The following GALNTL6 variants were observed in gnomAD, a reference collection of about 807,000 sequenced individuals.
GALNTL6 encodes polypeptide N-acetylgalactosaminyltransferase-like 6.
Under a neutral mutation model 73.7 loss-of-function variants are expected in GALNTL6, and 46 were observed. That is an observed-to-expected ratio of 0.62 (90% CI 0.49 to 0.80). The LOEUF (loss-of-function observed/expected upper bound fraction) is 0.80, where lower values mean the gene tolerates loss of function less well. Ranked by LOEUF, GALNTL6 falls within the 30% of genes least tolerant of loss-of-function variation. The pLI is 0.00. For synonymous variants in GALNTL6, 259 were observed against 263.7 expected (o/e 0.98, Z 0.17); for missense variants, 604 against 755.0 (o/e 0.80, Z 2.34).
rs1161748318 is a variant in GALNTL6, at chr4:172,349,841, ATATAT to A, written c.553+1154_553+1158del. ...TCAAATTAAAAAAAAATATATATAT[ATATAT>A]TTTTTTTAAACTATCAACCTGGTCA... On this transcript the variant is annotated intron_variant, in intron 5 of 12. Coordinates refer to ENST00000506823, the MANE Select transcript of GALNTL6 (RefSeq NM_001034845.3). Among the ~76,000 whole-genome samples the A allele has an allele frequency of 2.9e-3, 226 of 78,224 alleles. 3 individuals are homozygous for A. The highest frequency in any genetic ancestry group is 6.7e-3 in the Middle Eastern group (1 of 150). 51.3% of individuals were successfully genotyped at this position (78,224 alleles called of 152,430 possible). A position where few individuals can be genotyped will look rare whatever the true frequency, so the allele number is the denominator to read the frequency against.
chr4:172,759,229 T>C (rs1352951193), intron 5 of GALNTL6, among the ~76,000 whole-genome samples: 1 of 152,218 alleles, frequency 6.6e-6, no homozygotes, highest in Admixed American at 6.5e-5. Context: ...GTGCAGGTAA[T>C]AGGGGAGATG....
At chr4:172,780,904 G>C (rs12643742) in intron 5 of GALNTL6, among the ~76,000 whole-genome samples, 79,938 of 152,052 alleles carry the variant, frequency 0.53, 21,741 homozygotes, top group East Asian at 0.78. Flanking sequence ...CTGCTCACAC[G>C]AGAGGACAGA....
intron 5 of GALNTL6, among the ~76,000 whole-genome samples, chr4:172,723,953 T>G (rs1163161697): frequency 1.3e-5 from 2 of 152,148 alleles, no homozygotes; most frequent in East Asian, 3.9e-4. Flanking sequence ...ATAGGGATAA[T>G]AATCGTACTT....
intron 5 of GALNTL6, among the ~76,000 whole-genome samples, chr4:172,790,972 C>T (rs558547157): frequency 1.3e-5 from 2 of 150,748 alleles, no homozygotes; most frequent in South Asian, 4.2e-4. Flanking sequence ...TAGCTATGAT[C>T]TAGAGATGAA....
At chr4:173,021,866 G>A (rs918406294) in intron 12 of GALNTL6, among the ~76,000 whole-genome samples, 2 of 151,838 alleles carry the variant, frequency 1.3e-5, no homozygotes, top group Non-Finnish European at 2.9e-5. Flanking sequence ...AGTGATGGGT[G>A]CCTGTAATCC....
At chr4:172,530,300 T>G (rs1735125977) in intron 5 of GALNTL6, among the ~76,000 whole-genome samples, 1 of 152,210 alleles carries the variant, frequency 6.6e-6, no homozygotes, top group Admixed American at 6.5e-5. Context: ...CATCTACACA[T>G]GAAATGCTTC....
chr4:172,250,910 G>A (rs1737843243), intron 3 of GALNTL6, among the ~76,000 whole-genome samples: 1 of 152,070 alleles, frequency 6.6e-6, no homozygotes, highest in South Asian at 2.1e-4. Context: ...TCAGACACCT[G>A]GAGCACACTG....
rs140548644 is a variant in GALNTL6, at chr4:172,813,712, C to G, written c.912C>G (p.Ser304Arg). ...CAGAGCTCCAGAGGGCAGATCCCAG[C>G]GACCCTTTTGAGTGAGTAGCAGCCA... ...IPPELQRADP[S>R]DPFESPVMAG... Residue 304 changes from serine (S) to arginine (R), a missense_variant, in exon 7 of 13, where the codon AGC becomes AGG. By Grantham distance (110) the Ser-to-Arg change is moderately radical. Around this residue, in one of 5 missense-constraint regions of GALNTL6, gnomAD observed 179 missense variants for 230.8 expected, o/e 0.78. Transcript: ENST00000506823. 1 of 1,595,286 alleles carries G rather than the reference C, an allele frequency of 6.3e-7. No homozygotes were observed.
At chr4:171,889,227 C>A (rs1408250377) in intron 2 of GALNTL6, among the ~76,000 whole-genome samples, 1 of 151,942 alleles carries the variant, frequency 6.6e-6, no homozygotes, top group Non-Finnish European at 1.5e-5. Flanking sequence ...GACAATTTCT[C>A]TGTTCAATAA....
chr4:172,512,769 C>T (rs1734469559), intron 5 of GALNTL6, among the ~76,000 whole-genome samples: 1 of 152,138 alleles, frequency 6.6e-6, no homozygotes, highest in South Asian at 2.1e-4. Context: ...AAACATAGTA[C>T]CCCCATCTCT....
At chr4:172,158,464 C>T (rs1734354006) in intron 2 of GALNTL6, among the ~76,000 whole-genome samples, 1 of 151,108 alleles carries the variant, frequency 6.6e-6, no homozygotes, top group South Asian at 2.1e-4. Flanking sequence ...CCATATCAAA[C>T]TGTAGTTTTA....
chr4:172,176,830 A>G (rs911667164), intron 2 of GALNTL6, among the ~76,000 whole-genome samples: 7 of 152,136 alleles, frequency 4.6e-5, no homozygotes, highest in Admixed American at 1.3e-4. Flanking sequence ...TCATGTTGTT[A>G]TGAAACCTAG....
intron 7 of GALNTL6, among the ~76,000 whole-genome samples, chr4:172,827,584 G>A (rs988438828): frequency 1.3e-5 from 2 of 152,132 alleles, no homozygotes; most frequent in African/African-American, 4.8e-5. Flanking sequence ...CATTAGAACT[G>A]GGCCAAAACC....
intron 2 of GALNTL6, among the ~76,000 whole-genome samples, chr4:172,226,828 A>T (rs556392885): frequency 6.9e-4 from 105 of 152,094 alleles, no homozygotes; most frequent in African/African-American, 1.8e-3. Context: ...TCTCTCCCTG[A>T]TATCACATTT....
intron 12 of GALNTL6, among the ~76,000 whole-genome samples, chr4:173,029,481 C>T (rs2126531031): frequency 6.6e-6 from 1 of 152,196 alleles, no homozygotes; most frequent in East Asian, 1.9e-4. Context: ...TAGAGAGTAA[C>T]ATGATTCCCA....
At chr4:172,717,048 G>T (rs542389274) in intron 5 of GALNTL6, among the ~76,000 whole-genome samples, 1 of 152,162 alleles carries the variant, frequency 6.6e-6, no homozygotes, top group East Asian at 1.9e-4. Flanking sequence ...ACACTGTTAA[G>T]AATTAAATTC....
At chr4:172,846,847 T>C (rs565917869) in intron 7 of GALNTL6, among the ~76,000 whole-genome samples, 1 of 152,224 alleles carries the variant, frequency 6.6e-6, no homozygotes, top group Non-Finnish European at 1.5e-5. Flanking sequence ...TCTGACTACA[T>C]GAATTTTAGA....
chr4:173,005,609 G>A (rs1752244076), intron 10 of GALNTL6, among the ~76,000 whole-genome samples: 1 of 152,146 alleles, frequency 6.6e-6, no homozygotes, highest in Non-Finnish European at 1.5e-5. Context: ...TATTTTAATG[G>A]AGTTGAGTTT....
At chr4:171,932,191 C>G (rs1738206170) in intron 2 of GALNTL6, among the ~76,000 whole-genome samples, 1 of 152,056 alleles carries the variant, frequency 6.6e-6, no homozygotes, top group Non-Finnish European at 1.5e-5. Flanking sequence ...TTTCCAATAG[C>G]ATAAATAGCA....
Sources: allele counts gnomAD v4.1 joint callset (sites outside exome capture counted in the v4.1 genomes callset), GRCh38; gene constraint gnomAD v4.1.1; regional missense constraint gnomAD v4.1.1; transcripts MANE v1.5; gene names NCBI Gene and HGNC (gene_info 2026-07-23, HGNC 2026-07-21).